Variants in TNR observed in about 807,000 individuals in gnomAD.
TNR encodes the protein tenascin R.
A neutral mutation model predicts 150.4 loss-of-function variants in TNR; 45 were observed. The ratio of observed to expected loss-of-function variants is 0.30; its 90% CI spans 0.24 to 0.38. TNR has a LOEUF of 0.38. Among genes scored for constraint, TNR ranks in the 10% least tolerant of loss-of-function variants. The pLI is 1.00. For synonymous variants in TNR, 687 were observed against 678.4 expected (o/e 1.01, Z -0.20); for missense variants, 1,544 against 1,759.1 (o/e 0.88, Z 2.19).
intron 4 of TNR, among the ~76,000 whole-genome samples, chr1:175,397,316 G>A (rs1653481984): frequency 6.6e-6 from 1 of 152,176 alleles, no homozygotes; most frequent in African/African-American, 2.4e-5. Flanking sequence ...CTGACGTCAT[G>A]TTGGTAATTG....
intron 1 of TNR, among the ~76,000 whole-genome samples, chr1:175,630,155 T>C (rs1664281426): frequency 1.3e-5 from 2 of 152,152 alleles, no homozygotes; most frequent in African/African-American, 4.8e-5. Flanking sequence ...AGGGGCTCCA[T>C]GCTGAAAAAA....
chr1:175,426,092 C>T (rs1198119674), intron 2 of TNR, among the ~76,000 whole-genome samples: 1 of 152,170 alleles, frequency 6.6e-6, no homozygotes, highest in Non-Finnish European at 1.5e-5. Flanking sequence ...CTGCTGAGGT[C>T]AGGGAGACTC....
At chr1:175,742,980 AC>A (rs1667972183) in intron 1 of TNR, among the ~76,000 whole-genome samples, 1 of 151,722 alleles carries the variant, frequency 6.6e-6, no homozygotes, top group South Asian at 2.1e-4. Context: ...ACACACACAC[AC>A]ACACACACAC....
intron 20 of TNR, among the ~76,000 whole-genome samples, chr1:175,331,750 TA>T (rs1481505410): frequency 6.6e-6 from 1 of 152,218 alleles, no homozygotes; most frequent in Non-Finnish European, 1.5e-5. Flanking sequence ...ATCTGATCTC[TA>T]CTTGAGTATG....
chr1:175,592,048 G>GT (rs1229822212), intron 1 of TNR, among the ~76,000 whole-genome samples: 6 of 152,220 alleles, frequency 3.9e-5, no homozygotes, highest in Middle Eastern at 3.4e-3. Context: ...AGACTTGAGA[G>GT]TTTTTTTACT....
intron 1 of TNR, among the ~76,000 whole-genome samples, chr1:175,534,078 G>A (rs1660174761): frequency 6.6e-6 from 1 of 152,210 alleles, no homozygotes; most frequent in Non-Finnish European, 1.5e-5. Flanking sequence ...CAGTCTTTTA[G>A]AAGTTGCATC....
chr1:175,438,064 A>T (rs1650645795), intron 2 of TNR, among the ~76,000 whole-genome samples: 1 of 152,198 alleles, frequency 6.6e-6, no homozygotes, highest in Non-Finnish European at 1.5e-5. Context: ...AGCCTGGCAG[A>T]GACACAATAA....
intron 2 of TNR, among the ~76,000 whole-genome samples, chr1:175,408,011 A>T (rs1243134167): frequency 6.6e-6 from 1 of 152,166 alleles, no homozygotes; most frequent in Non-Finnish European, 1.5e-5. Context: ...TCTTTTCTCC[A>T]TAAGCATTTG....
chr1:175,475,965 C>T (rs946468934), intron 2 of TNR, among the ~76,000 whole-genome samples: 10 of 152,138 alleles, frequency 6.6e-5, no homozygotes, highest in Non-Finnish European at 2.9e-5. Flanking sequence ...GCTATCTCTG[C>T]AGGATAAGGG....
intron 2 of TNR, among the ~76,000 whole-genome samples, chr1:175,457,947 A>T (rs1224722539): frequency 6.6e-6 from 1 of 152,242 alleles, no homozygotes. Flanking sequence ...GTTTAAACTC[A>T]TGTCTGTCTG....
chr1:175,484,587 C>T (rs1000289851), intron 2 of TNR, among the ~76,000 whole-genome samples: 29 of 152,154 alleles, frequency 1.9e-4, no homozygotes, highest in African/African-American at 5.5e-4. Flanking sequence ...TCCTCCTTCC[C>T]TTCCTCAATT....
intron 2 of TNR, among the ~76,000 whole-genome samples, chr1:175,407,053 C>T (rs1653997561): frequency 6.6e-6 from 1 of 152,190 alleles, no homozygotes; most frequent in African/African-American, 2.4e-5. Context: ...GCAAATGGTT[C>T]TTGGAGGAAA....
chr1:175,736,303 C>T (rs1186342666), intron 1 of TNR, among the ~76,000 whole-genome samples: 2 of 152,126 alleles, frequency 1.3e-5, no homozygotes, highest in African/African-American at 2.4e-5. Flanking sequence ...GGGTGGATCA[C>T]GAGGTCAGGA....
At chr1:175,657,712 C>T (rs1338455746) in intron 1 of TNR, among the ~76,000 whole-genome samples, 8 of 125,834 alleles carry the variant, frequency 6.4e-5, no homozygotes, top group African/African-American at 2.5e-4. Context: ...TAGGTGGGAA[C>T]TGAACAATGA....
intron 2 of TNR, among the ~76,000 whole-genome samples, chr1:175,468,996 G>C (rs1349705274): frequency 1.3e-5 from 2 of 152,160 alleles, no homozygotes; most frequent in Non-Finnish European, 2.9e-5. Flanking sequence ...TATTTAGGAA[G>C]TAAAATGAGC....
chr1:175,318,790 G>A lies in TNR; in HGVS notation c.*4567C>T, dbSNP rs1198854708. 6.6e-6 allele frequency: 1 copy of A among 152,212 alleles called. No individual in the cohort carries two copies. Among genetic ancestry groups the A allele is most frequent in the Non-Finnish European group, 1.5e-5 (1 of 68,066 alleles). 9.4% of individuals were successfully genotyped at this position (152,212 alleles called of 1,614,324 possible). A position where few individuals can be genotyped will look rare whatever the true frequency, so the allele number is the denominator to read the frequency against. ...CAGACCATCAGGGAAGTGAGGCAGA[G>A]CTGAGTATGCAGCTCCTGGCATCTG... On this transcript the variant is annotated 3_prime_UTR_variant, in exon 23 of 23. Transcript: ENST00000367674.
chr1:175,324,821 C>A (rs574570446), intron 21 of TNR, among the ~76,000 whole-genome samples: 1 of 152,056 alleles, frequency 6.6e-6, no homozygotes, highest in Admixed American at 6.5e-5. Context: ...TTCCTCCCAG[C>A]CTGTACGTGG....
intron 2 of TNR, among the ~76,000 whole-genome samples, chr1:175,440,760 A>G (rs1449032258): frequency 6.6e-6 from 1 of 152,146 alleles, no homozygotes; most frequent in Admixed American, 6.5e-5. Context: ...GTCCTATTAG[A>G]TCCTCAGTCT....
intron 1 of TNR, among the ~76,000 whole-genome samples, chr1:175,559,601 T>C: frequency 6.6e-6 from 1 of 152,204 alleles, no homozygotes; most frequent in Admixed American, 6.5e-5. Context: ...ATCAGTATTG[T>C]ACATGTTTTT....
Sources: gnomAD v4.1 joint callset for allele counts (sites outside exome capture counted in the v4.1 genomes callset) on GRCh38, gnomAD v4.1.1 for gene constraint, MANE v1.5 for transcripts, NCBI Gene and HGNC (gene_info 2026-07-23, HGNC 2026-07-21) for gene names.